The following RYR3 variants were observed in gnomAD, a reference collection of about 807,000 sequenced individuals.
The protein encoded by RYR3 is ryanodine receptor 3.
A neutral mutation model predicts 584.3 loss-of-function variants in RYR3; 207 were observed. That is an observed-to-expected ratio of 0.35 (90% CI 0.32 to 0.40). The LOEUF (loss-of-function observed/expected upper bound fraction) is 0.40, where lower values mean the gene tolerates loss of function less well. RYR3 is among the 10% of genes least tolerant of loss of function. The probability of loss-of-function intolerance (pLI) is 1.00; values close to 1 mark genes in which losing one functional copy is unlikely to be tolerated. For synonymous variants in RYR3, 2,416 were observed against 2,248.5 expected (o/e 1.07, Z -2.11); for missense variants, 5,616 against 6,089.2 (o/e 0.92, Z 2.59).
At chr15:33,343,313 G>A (rs1012535419) in intron 1 of RYR3, among the ~76,000 whole-genome samples, 15 of 152,150 alleles carry the variant, frequency 9.9e-5, no homozygotes, top group African/African-American at 3.1e-4. Flanking sequence ...CAAATGCAAC[G>A]TTAAAAAAAT....
intron 2 of RYR3, among the ~76,000 whole-genome samples, chr15:33,496,229 G>A (rs2051408184): frequency 6.6e-6 from 1 of 152,194 alleles, no homozygotes; most frequent in East Asian, 1.9e-4. Context: ...GTGTCACGGA[G>A]CAAATGCAAT....
intron 4 of RYR3, among the ~76,000 whole-genome samples, chr15:33,530,968 A>G (rs937519165): frequency 6.6e-6 from 1 of 152,132 alleles, no homozygotes; most frequent in Non-Finnish European, 1.5e-5. Flanking sequence ...TTGATATACT[A>G]GATGCTCAAT....
intron 67 of RYR3, among the ~76,000 whole-genome samples, chr15:33,789,624 T>TTATACATATATATATATATA (rs1555458202): frequency 8.6e-5 from 1 of 11,694 alleles, no homozygotes; most frequent in African/African-American, 2.2e-4. Flanking sequence ...AGGTTTTATT[T>TTATACATATATATATATATA]TATATATATA....
chr15:33,605,832 CAG>C (rs1424870235), intron 18 of RYR3, among the ~76,000 whole-genome samples: 2 of 152,094 alleles, frequency 1.3e-5, no homozygotes, highest in Non-Finnish European at 2.9e-5. Context: ...AGAAATGAAA[CAG>C]AAATAACACT....
intron 81 of RYR3, among the ~76,000 whole-genome samples, chr15:33,825,083 C>G (rs1041563940): frequency 1.3e-5 from 2 of 152,126 alleles, no homozygotes; most frequent in Non-Finnish European, 2.9e-5. Context: ...TAGGCTTTTG[C>G]ATGATGTAGA....
intron 1 of RYR3, among the ~76,000 whole-genome samples, chr15:33,370,349 G>A (rs1051807240): frequency 1.3e-5 from 2 of 152,126 alleles, no homozygotes; most frequent in Non-Finnish European, 2.9e-5. Context: ...TTATTTTGAT[G>A]TCTGTAATCA....
chr15:33,586,635 T>C (rs1017240449), intron 16 of RYR3, among the ~76,000 whole-genome samples: 7 of 152,224 alleles, frequency 4.6e-5, no homozygotes, highest in African/African-American at 1.7e-4. Context: ...GGTCCTTCCC[T>C]TTTATACAAC....
intron 64 of RYR3, 126 bp downstream of exon 64, chr15:33,773,741 T>G (rs2073793262): frequency 1.4e-6 from 1 of 689,808 alleles, no homozygotes; most frequent in African/African-American, 1.8e-5. Context: ...AGAATGGTGG[T>G]TTTGAGCCTT....
At chr15:33,723,353 AAAATAAAT>A (rs150098512) in intron 44 of RYR3, among the ~76,000 whole-genome samples, 45 of 152,210 alleles carry the variant, frequency 3.0e-4, no homozygotes, top group African/African-American at 1.1e-3. Flanking sequence ...TTGACTTCTA[AAAATAAAT>A]AAATAAATAA....
At chr15:33,726,011 T>C (rs951926839) in intron 45 of RYR3, among the ~76,000 whole-genome samples, 11 of 124,882 alleles carry the variant, frequency 8.8e-5, no homozygotes, top group African/African-American at 3.3e-4. Context: ...AATTCTAGAG[T>C]CTGGCATTGT....
intron 82 of RYR3, chr15:33,825,895 G>T (rs999866368): frequency 3.9e-6 from 2 of 513,366 alleles, no homozygotes; most frequent in Non-Finnish European, 6.9e-6. Flanking sequence ...ACCACAGCCA[G>T]CTAATTTTTT....
At chr15:33,499,866 A>G (rs2051800689) in intron 2 of RYR3, among the ~76,000 whole-genome samples, 1 of 152,202 alleles carries the variant, frequency 6.6e-6, no homozygotes, top group Non-Finnish European at 1.5e-5. Context: ...CACACCTACA[A>G]GGTGTATCAC....
intron 1 of RYR3, among the ~76,000 whole-genome samples, chr15:33,384,589 A>G (rs2041450948): frequency 1.2e-5 from 1 of 82,016 alleles, no homozygotes; most frequent in African/African-American, 4.7e-5. Flanking sequence ...TTATATATAC[A>G]TATCTATATA....
At chr15:33,379,687 C>CTCTCTCTCTATA in intron 1 of RYR3, among the ~76,000 whole-genome samples, 1 of 125,498 alleles carries the variant, frequency 8.0e-6, no homozygotes. Context: ...CTCTCTCTCT[C>CTCTCTCTCTATA]TATATATATA....
At chr15:33,839,881 G>A (rs1372856735) in intron 89 of RYR3, 4 of 152,164 alleles carry the variant, frequency 2.6e-5, no homozygotes, top group African/African-American at 9.7e-5. Flanking sequence ...TTTGCTCCCT[G>A]ATGTAGCCCC....
chr15:33,722,246 C>T (rs892394807), intron 43 of RYR3, among the ~76,000 whole-genome samples: 2 of 152,124 alleles, frequency 1.3e-5, no homozygotes, highest in Admixed American at 1.3e-4. Context: ...GATGTAAAGT[C>T]CTTCTGTTCT....
At chr15:33,549,370 A>G (rs2056500814) in intron 9 of RYR3, among the ~76,000 whole-genome samples, 1 of 152,256 alleles carries the variant, frequency 6.6e-6, no homozygotes, top group African/African-American at 2.4e-5. Context: ...TGATGCTTCA[A>G]AAAGTTGGAC....
intron 1 of RYR3, among the ~76,000 whole-genome samples, chr15:33,449,686 T>C (rs1004019883): frequency 2.0e-5 from 3 of 152,256 alleles, no homozygotes; most frequent in African/African-American, 7.2e-5. Context: ...GAAAGAATTC[T>C]GATGGTTCCT....
intron 1 of RYR3, among the ~76,000 whole-genome samples, chr15:33,344,424 C>T (rs1180204816): frequency 2.0e-5 from 3 of 152,104 alleles, no homozygotes; most frequent in African/African-American, 7.2e-5. Context: ...TACACATTGA[C>T]AAGTGGTTTT....
Sources: allele counts gnomAD v4.1 joint callset (sites outside exome capture counted in the v4.1 genomes callset), GRCh38; gene constraint gnomAD v4.1.1; transcripts MANE v1.5; gene names NCBI Gene and HGNC (gene_info 2026-07-23, HGNC 2026-07-21).